The following DGKH variants were observed in gnomAD, a reference collection of about 807,000 sequenced individuals.
DGKH encodes DAG kinase eta.
A neutral mutation model predicts 159.3 loss-of-function variants in DGKH; 90 were observed. The observed-to-expected ratio is 0.57, with a 90% confidence interval of 0.48 to 0.67. The LOEUF (loss-of-function observed/expected upper bound fraction) is 0.67. Ranked by LOEUF, DGKH falls within the 30% of genes least tolerant of loss-of-function variation. DGKH has a pLI of 0.00. For synonymous variants in DGKH, 536 were observed against 553.8 expected (o/e 0.97, Z 0.45); for missense variants, 1,181 against 1,506.1 (o/e 0.78, Z 3.57).
At chr13:42,109,510 A>G (rs1954819594) in intron 1 of DGKH, among the ~76,000 whole-genome samples, 1 of 152,162 alleles carries the variant, frequency 6.6e-6, no homozygotes, top group South Asian at 2.1e-4. Context: ...GAGGGCTTAG[A>G]TTTTTTTGGC....
intron 26 of DGKH, among the ~76,000 whole-genome samples, chr13:42,216,390 T>A (rs1283748015): frequency 6.6e-6 from 1 of 152,246 alleles, no homozygotes; most frequent in African/African-American, 2.4e-5. Context: ...GTTTTTTTAT[T>A]CCTTTTTATA....
intron 1 of DGKH, among the ~76,000 whole-genome samples, chr13:42,078,637 C>T (rs1954142163): frequency 6.6e-6 from 1 of 151,962 alleles, no homozygotes; most frequent in Non-Finnish European, 1.5e-5. Flanking sequence ...CACATGGATG[C>T]CAGATGCCAA....
chr13:42,070,038 AAT>A, intron 1 of DGKH: 1 of 907,602 alleles, frequency 1.1e-6, no homozygotes, highest in South Asian at 1.3e-5. Context: ...CCCAGTTATA[AAT>A]GTGACTGTGA....
At chr13:42,195,747 C>T (rs1166943713) in intron 17 of DGKH, 1 of 152,166 alleles carries the variant, frequency 6.6e-6, no homozygotes, top group African/African-American at 2.4e-5. Flanking sequence ...GTAAATTATT[C>T]ATGATTTTGG....
chr13:42,055,519 A>G (rs886788223), intron 1 of DGKH, among the ~76,000 whole-genome samples: 6 of 152,218 alleles, frequency 3.9e-5, no homozygotes, highest in Non-Finnish European at 5.9e-5. Context: ...ATTTTAAAGT[A>G]TCTAAATTTA....
chr13:42,164,019 C>T (rs1956255567), intron 7 of DGKH, among the ~76,000 whole-genome samples: 1 of 152,032 alleles, frequency 6.6e-6, no homozygotes, highest in Admixed American at 6.5e-5. Context: ...GTCTTTAATC[C>T]ATCTTGAATT....
In DGKH at chr13:42,197,267, A is replaced by AAAAG. The variant is rs1555274107; in HGVS notation, c.2168-1203_2168-1200dup. ...TCTATCTCAACAAAAAAAAAAAAAA[A>AAAAG]AAAGAAAGAAAATATTAACACTTCC... On this transcript the variant is annotated intron_variant, in intron 17 of 29. Transcript: ENST00000337343. Among the ~76,000 whole-genome samples the AAAAG allele has an allele frequency of 2.7e-3, 367 of 135,252 alleles. 3 individuals carry two copies. The highest frequency in any genetic ancestry group is 0.01 in the East Asian group (43 of 4,282). 88.7% of individuals were successfully genotyped at this position (135,252 alleles called of 152,430 possible). A position where few individuals can be genotyped will look rare whatever the true frequency, so the allele number is the denominator to read the frequency against.
In DGKH at chr13:42,168,524, C is replaced by T. The variant is rs372490160; in HGVS notation, c.1203C>T (p.Ile401=). 49 of 1,613,926 alleles carry T rather than the reference C, an allele frequency of 3.0e-5. No individual in the cohort carries two copies. Among genetic ancestry groups the T allele is most frequent in the Admixed American group, 2.7e-4 (16 of 59,990 alleles). The stretch of plus-strand genomic sequence containing the variant: ...GTGTAGGTTGGGTTTTGTCAGAAAT[C>T]GATAAGCTCAACTTGAATAAACAGG... The part of the protein sequence containing the change: ...DGSVGWVLSE[I]DKLNLNKQCQ... Residue 401 remains isoleucine, a synonymous_variant, in exon 10 of 30, where the codon ATC becomes ATT. Coordinates refer to ENST00000337343, the MANE Select transcript of DGKH (RefSeq NM_178009.5).
At chr13:42,060,864 A>C (rs1882103622) in intron 1 of DGKH, among the ~76,000 whole-genome samples, 1 of 152,200 alleles carries the variant, frequency 6.6e-6, no homozygotes, top group Non-Finnish European at 1.5e-5. Flanking sequence ...AACATGCCCC[A>C]GGTCACACAT....
chr13:42,115,097 G>A (rs1228376590), intron 1 of DGKH, among the ~76,000 whole-genome samples: 5 of 152,208 alleles, frequency 3.3e-5, no homozygotes, highest in Admixed American at 2.6e-4. Flanking sequence ...CTAGTAAATG[G>A]TGGAGGCGGA....
At chr13:42,148,812 T>C (rs1056580417) in intron 3 of DGKH, among the ~76,000 whole-genome samples, 1 of 152,104 alleles carries the variant, frequency 6.6e-6, no homozygotes, top group East Asian at 1.9e-4. Flanking sequence ...ATCTCTCTTC[T>C]TCAATGTGCT....
intron 29 of DGKH, chr13:42,225,152 G>C (rs945369666): frequency 2.7e-6 from 2 of 736,352 alleles, no homozygotes; most frequent in East Asian, 3.0e-5. Flanking sequence ...TGAACTCCTG[G>C]CCTCAAGAGA....
chr13:42,254,082 G>A (rs1191495035), intron 30 of DGKH, among the ~76,000 whole-genome samples: 1 of 151,720 alleles, frequency 6.6e-6, no homozygotes, highest in African/African-American at 2.4e-5. Flanking sequence ...TATTGGTGTA[G>A]CATTTTGGGG....
intron 1 of DGKH, among the ~76,000 whole-genome samples, chr13:42,087,044 A>AACAC (rs71298957): frequency 0.058 from 8,121 of 140,052 alleles, 376 homozygotes; most frequent in African/African-American, 0.13. Context: ...CCAGAAGGAA[A>AACAC]ACACACACAC....
rs186888156 is a variant in DGKH at position 42,229,029 on chromosome 13, T to A, written c.3574-70T>A. On this transcript the variant is annotated intron_variant, in intron 29 of 29. Coordinates refer to ENST00000337343, the MANE Select transcript of DGKH (RefSeq NM_178009.5). ...AACTTTTTTCCTTTTCTTTCATTTT[T>A]AAAATTTTCTTTCTGTGTTTTTTCT... is the stretch of plus-strand genomic sequence containing the variant. 8.6e-5 allele frequency: 117 copies of A among 1,367,600 alleles called. No individual in the cohort carries two copies. The South Asian group carries it at 1.0e-3, about 12-fold the overall frequency. 84.7% of individuals were successfully genotyped at this position (1,367,600 alleles called of 1,614,324 possible).
intron 29 of DGKH, among the ~76,000 whole-genome samples, chr13:42,251,556 C>A (rs80046225): frequency 2.0e-5 from 3 of 152,072 alleles, no homozygotes; most frequent in Non-Finnish European, 4.4e-5. Flanking sequence ...ATGAAAGGAA[C>A]GCTTCCAAGC....
intron 30 of DGKH, among the ~76,000 whole-genome samples, chr13:42,255,081 G>A (rs1958648316): frequency 6.6e-6 from 1 of 151,208 alleles, no homozygotes; most frequent in African/African-American, 2.4e-5. Flanking sequence ...TTTTTACTGA[G>A]AGTACTAGAA....
Position 42,189,127 on chromosome 13 carries a change from T to G in DGKH, c.1730T>G (p.Leu577Arg), listed in dbSNP as rs534480233. The change falls in exon 15 of 30, where the codon CTC (leucine) becomes CGC (arginine). Residue 577 changes from leucine (L) to arginine (R), a missense_variant. Leu to Arg is a moderately radical substitution (Grantham distance 102). This residue lies in a region of DGKH where 257 missense variants were observed against 281.5 expected (regional missense o/e 0.91). Transcript: ENST00000337343. ...AAPVLPGLSPLIVEEDAVESS... is the reference protein window; with the variant it reads ...AAPVLPGLSPRIVEEDAVESS... ...CCTGTTCTCCCTGGCCTCAGCCCTC[T>G]CATTGTGGAAGAAGATGCTGTGGAA... 1.2e-6 allele frequency: 2 copies of G among 1,614,262 alleles called. No individual in the cohort carries two copies. The highest frequency in any genetic ancestry group is 2.2e-5 in the South Asian group (2 of 91,088).
rs1385331946 is a variant in DGKH at position 42,194,918 on chromosome 13, C to A, written c.2069C>A (p.Ala690Glu). 5 of 1,613,878 alleles carry A rather than the reference C, an allele frequency of 3.1e-6. No individual in the cohort carries two copies. The highest frequency in any genetic ancestry group is 4.2e-6 in the Non-Finnish European group (5 of 1,179,904). Residue 690 changes from alanine (A) to glutamate (E), a missense_variant, in exon 17 of 30, where the codon GCA becomes GAA. Physicochemically the swap from Ala to Glu is moderately radical, Grantham distance 107. This residue lies in a region of DGKH where 257 missense variants were observed against 281.5 expected (regional missense o/e 0.91). Coordinates refer to ENST00000337343, the MANE Select transcript of DGKH (RefSeq NM_178009.5). ...GCACCTCGGTCTCCAGATGCCCGGG[C>A]AAGTTATGGCCATTCCCAAACTGAT... ...KTAPRSPDAR[A>E]SYGHSQTDSV...
Sources: allele counts gnomAD v4.1 joint callset (sites outside exome capture counted in the v4.1 genomes callset), GRCh38; gene constraint gnomAD v4.1.1; regional missense constraint gnomAD v4.1.1; transcripts MANE v1.5; gene names NCBI Gene and HGNC (gene_info 2026-07-23, HGNC 2026-07-21).